CELF2: variants seen among roughly 807,000 people sequenced by gnomAD.
CELF2 encodes the protein CUG triplet repeat RNA-binding protein 2.
In CELF2, 8 loss-of-function variants were observed where a neutral mutation model predicts 62.6. That is an observed-to-expected ratio of 0.13 (90% CI 0.07 to 0.23). The LOEUF is 0.23. Ranked by LOEUF, CELF2 falls within the 10% of genes least tolerant of loss-of-function variation. CELF2 has a pLI of 1.00. For missense variants in CELF2, 333 were observed against 671.0 expected, an observed-to-expected ratio of 0.50 and a Z score of 5.56; for synonymous variants, 258 against 250.0, an observed-to-expected ratio of 1.03 and a Z score of -0.30.
At chr10:10,670,819 T>C in the CELF2 span, among the ~76,000 whole-genome samples, 1 of 145,008 alleles carries the variant, frequency 6.9e-6, no homozygotes, top group South Asian at 2.5e-4. Flanking sequence ...TTTTGCAGAA[T>C]GTCATAGTTG....
the CELF2 span, among the ~76,000 whole-genome samples, chr10:10,743,799 G>A: frequency 2.0e-5 from 3 of 152,222 alleles, no homozygotes; most frequent in East Asian, 3.9e-4. Flanking sequence ...AACTCTTAAA[G>A]ACACTACTTT....
chr10:11,318,315 G>C lies in CELF2; in HGVS notation c.1097-2874G>C, dbSNP rs1359039347. ...CTTGTTAGAACTTTTTTGTTCACAT[G>C]GATGTTTATACCATGGAGGTGGCGA... On this transcript the variant is annotated intron_variant, in intron 10 of 12. Coordinates refer to ENST00000633077, the MANE Select transcript of CELF2 (RefSeq NM_001326342.2). This position sits in a 1 kb window ranked among gnomAD's most constrained non-coding sequence, Gnocchi z 5.4. 1 of 164,844 alleles carries C rather than the reference G, an allele frequency of 6.1e-6. No individual in the cohort carries two copies. The highest frequency in any genetic ancestry group is 1.8e-4 in the East Asian group (1 of 5,582). 10.2% of individuals were successfully genotyped at this position (164,844 alleles called of 1,614,324 possible).
the CELF2 span, among the ~76,000 whole-genome samples, chr10:10,479,452 C>A: frequency 3.3e-5 from 5 of 152,196 alleles, no homozygotes; most frequent in Non-Finnish European, 5.9e-5. Flanking sequence ...CAGGCATGAG[C>A]CACCGCACCT....
In CELF2 at chr10:10,995,738, C is replaced by T. The variant is rs2053882457; in HGVS notation, c.89+75739C>T. On this transcript the variant is annotated intron_variant, in intron 2 of 13. Transcript: ENST00000636488. This position sits in a 1 kb window ranked among gnomAD's most constrained non-coding sequence, Gnocchi z 4.7. Reference sequence around the variant, plus strand: ...GTAGCATGGATCAGAGCCAGAGAGACTAGGGACAGGGAGATTCCTTATGAG... The same window carrying T: ...GTAGCATGGATCAGAGCCAGAGAGATTAGGGACAGGGAGATTCCTTATGAG... Among the ~76,000 whole-genome samples, 1 of 152,118 alleles carries T rather than the reference C, an allele frequency of 6.6e-6. No individual in the cohort carries two copies. Among genetic ancestry groups the T allele is most frequent in the Non-Finnish European group, 1.5e-5 (1 of 68,026 alleles).
chr10:11,036,364 A>G (rs763743006), intron 1 of CELF2, among the ~76,000 whole-genome samples: 245 of 152,330 alleles, frequency 1.6e-3, no homozygotes, highest in Non-Finnish European at 2.8e-3. Flanking sequence ...AATTGAGGGC[A>G]GCTTCTATTA....
chr10:10,658,601 T>C, the CELF2 span, among the ~76,000 whole-genome samples: 1 of 152,218 alleles, frequency 6.6e-6, no homozygotes, highest in Non-Finnish European at 1.5e-5. Flanking sequence ...TGTTTTATCA[T>C]CAAAGTATTT....
intron 7 of CELF2, 29 bp from the exon 8 acceptor site, chr10:11,275,028 C>T (rs769011947): frequency 6.8e-6 from 11 of 1,611,286 alleles, no homozygotes; most frequent in Non-Finnish European, 8.5e-6. Context: ...CTCACCGTCT[C>T]CACTTTGCCC....
chr10:11,330,893 ACTGT>A lies in CELF2; in HGVS notation c.*1844_*1847del, dbSNP rs2096000082. 1 of 152,538 alleles carries A rather than the reference ACTGT, an allele frequency of 6.6e-6. No homozygotes were observed. The highest frequency in any genetic ancestry group is 1.5e-5 in the Non-Finnish European group (1 of 68,024). 9.4% of individuals were successfully genotyped at this position (152,538 alleles called of 1,614,324 possible). A position where few individuals can be genotyped will look rare whatever the true frequency, so the allele number is the denominator to read the frequency against. On this transcript the variant is annotated 3_prime_UTR_variant, in exon 13 of 13. Transcript: ENST00000633077. The surrounding 1 kb of genome is among the most constrained non-coding windows in gnomAD (Gnocchi z 4.5). ...CTTCCAAAAACAGTTTGAGAAAAAA[ACTGT>A]CTGATTTTAAGTCTCTAGAGGTCTG...
the CELF2 span, among the ~76,000 whole-genome samples, chr10:10,504,880 G>T: frequency 0.038 from 5,823 of 152,000 alleles, 355 homozygotes; most frequent in African/African-American, 0.13. Flanking sequence ...ATTACCATTT[G>T]CTTCTTCTCT....
At chr10:11,262,452 A>T (rs1225478791) in intron 5 of CELF2, among the ~76,000 whole-genome samples, 1 of 152,174 alleles carries the variant, frequency 6.6e-6, no homozygotes, top group African/African-American at 2.4e-5. Flanking sequence ...GTACCTAAAC[A>T]TTCAGATGTG....
Position 11,246,273 on chromosome 10 carries a change from G to A in CELF2, c.355-2880G>A, listed in dbSNP as rs976223410. On this transcript the variant is annotated intron_variant, in intron 3 of 12. Coordinates refer to ENST00000633077, the MANE Select transcript of CELF2 (RefSeq NM_001326342.2). The surrounding 1 kb of genome is among the most constrained non-coding windows in gnomAD (Gnocchi z 4.6). ...TTTGTGTCCCAGGCATAATGTAGGT[G>A]CGCTCACCTCATCTCTCCCATATCT... Among the ~76,000 whole-genome samples the A allele has an allele frequency of 6.6e-6, 1 of 152,052 alleles. No individual in the cohort carries two copies. Among genetic ancestry groups the A allele is most frequent in the Non-Finnish European group, 1.5e-5 (1 of 68,022 alleles).
At chr10:11,229,466 A>G (rs1565431800) in intron 3 of CELF2, among the ~76,000 whole-genome samples, 1 of 152,204 alleles carries the variant, frequency 6.6e-6, no homozygotes, top group Non-Finnish European at 1.5e-5. Flanking sequence ...CCATTTGCAT[A>G]TAAAACCGGG....
chr10:11,289,502 A>G (rs2092137469), intron 9 of CELF2, among the ~76,000 whole-genome samples: 1 of 152,216 alleles, frequency 6.6e-6, no homozygotes. Context: ...GGCAGTTCTC[A>G]AAAGAGCAGT....
rs1284392239 is a variant in CELF2, at chr10:11,255,811, G to A, written c.404-1927G>A. Among the ~76,000 whole-genome samples, 1 of 152,160 alleles carries A rather than the reference G, an allele frequency of 6.6e-6. No homozygotes were observed. The highest frequency in any genetic ancestry group is 1.5e-5 in the Non-Finnish European group (1 of 68,012). On this transcript the variant is annotated intron_variant, in intron 4 of 12. Transcript: ENST00000633077. This position sits in a 1 kb window ranked among gnomAD's most constrained non-coding sequence, Gnocchi z 5.5. ...GGATGACAAAACAGAGGTCCTCAGA[G>A]GTCAGCCTATTCTCCAAAGACACAT... is the stretch of plus-strand genomic sequence containing the variant.
chr10:10,494,199 C>A, the CELF2 span, among the ~76,000 whole-genome samples: 1 of 152,242 alleles, frequency 6.6e-6, no homozygotes, highest in Admixed American at 6.5e-5. Flanking sequence ...GAATCACTCT[C>A]TCTCCAGTTT....
At chr10:11,195,461 C>T (rs917805745) in intron 2 of CELF2, among the ~76,000 whole-genome samples, 4 of 152,200 alleles carry the variant, frequency 2.6e-5, no homozygotes, top group Non-Finnish European at 4.4e-5. Flanking sequence ...AGTTCCTAAT[C>T]GTAGACACAA....
rs2050841949 is a variant in CELF2, at chr10:10,972,356, C to T, written c.89+52357C>T. On this transcript the variant is annotated intron_variant, in intron 2 of 13. Coordinates refer to the CELF2 transcript ENST00000636488. This position sits in a 1 kb window ranked among gnomAD's most constrained non-coding sequence, Gnocchi z 4.4. ...CAATAGAAATTAGCAAGCTGTTTTG[C>T]TTTAACCTGGAAAACTCATCTTATT... 6.6e-6 allele frequency among the ~76,000 whole-genome samples: 1 copy of T among 152,202 alleles called. No homozygotes were observed. Among genetic ancestry groups the T allele is most frequent in the Non-Finnish European group, 1.5e-5 (1 of 68,032 alleles).
intron 5 of CELF2, 113 bp downstream of exon 5, chr10:11,257,985 C>A: frequency 1.6e-6 from 2 of 1,214,544 alleles, no homozygotes; most frequent in Non-Finnish European, 2.3e-6. Context: ...GTAATACATC[C>A]CATGTGATAA....
chr10:10,464,428 T>C, the CELF2 span, among the ~76,000 whole-genome samples: 1 of 152,168 alleles, frequency 6.6e-6, no homozygotes, highest in Non-Finnish European at 1.5e-5. Flanking sequence ...ACTTGTCTTT[T>C]TTTTTATTGT....
Sources: allele counts gnomAD v4.1 joint callset (sites outside exome capture counted in the v4.1 genomes callset), GRCh38; gene constraint gnomAD v4.1.1; non-coding constraint Gnocchi (gnomAD v3.1); transcripts MANE v1.5; gene names NCBI Gene and HGNC (gene_info 2026-07-23, HGNC 2026-07-21).